ATG10: variants seen among roughly 807,000 people sequenced by gnomAD.
ATG10 encodes the protein autophagy related 10, also known as ubiquitin-like-conjugating enzyme ATG10.
Under a neutral mutation model 32.1 loss-of-function variants are expected in ATG10, and 30 were observed. The ratio of observed to expected loss-of-function variants is 0.94; its 90% confidence interval spans 0.70 to 1.27. The LOEUF (loss-of-function observed/expected upper bound fraction) is 1.27. Ranked by LOEUF, ATG10 falls within the 50% of genes most tolerant of loss-of-function variation. ATG10 has a pLI of 0.00. For missense variants in ATG10, 233 were observed against 262.3 expected, an observed-to-expected ratio of 0.89 and a Z score of 0.77; for synonymous variants, 87 against 91.5, an observed-to-expected ratio of 0.95 and a Z score of 0.28.
At chr5:82,070,509 A>G (rs984077810) in intron 3 of ATG10, among the ~76,000 whole-genome samples, 2 of 152,140 alleles carry the variant, frequency 1.3e-5, no homozygotes, top group African/African-American at 4.8e-5. Context: ...AAACTCTGAA[A>G]TTCTTCTCTC....
At chr5:82,177,358 G>C (rs1744071605) in intron 4 of ATG10, among the ~76,000 whole-genome samples, 1 of 152,088 alleles carries the variant, frequency 6.6e-6, no homozygotes, top group South Asian at 2.1e-4. Context: ...ATACTTGAAA[G>C]TCTTAATACA....
chr5:82,086,305 CAATCATAATTT>C (rs1764689245), intron 3 of ATG10, among the ~76,000 whole-genome samples: 9 of 152,068 alleles, frequency 5.9e-5, no homozygotes, highest in Middle Eastern at 3.4e-3. Context: ...ATTAATAAGC[CAATCATAATTT>C]ATAATGAAAT....
At chr5:82,190,061 C>G (rs1258318350) in intron 5 of ATG10, among the ~76,000 whole-genome samples, 1 of 152,120 alleles carries the variant, frequency 6.6e-6, no homozygotes, top group Non-Finnish European at 1.5e-5. Flanking sequence ...TTGAGTTTGC[C>G]TATTCTTGCA....
chr5:82,101,565 A>C (rs375547765), intron 3 of ATG10, among the ~76,000 whole-genome samples: 1 of 152,210 alleles, frequency 6.6e-6, no homozygotes, highest in African/African-American at 2.4e-5. Context: ...TTGGTATAGC[A>C]TGTCTAAACT....
chr5:82,230,118 C>G (rs1040520770), intron 5 of ATG10, among the ~76,000 whole-genome samples: 1 of 152,134 alleles, frequency 6.6e-6, no homozygotes, highest in African/African-American at 2.4e-5. Context: ...AAGGTTGCAG[C>G]CTACAGCCAA....
intron 2 of ATG10, among the ~76,000 whole-genome samples, chr5:82,048,131 T>TAGTTTGA (rs1312558128): frequency 1.5e-5 from 2 of 136,118 alleles, no homozygotes; most frequent in Non-Finnish European, 3.1e-5. Context: ...CCTTGTAGTA[T>TAGTTTGA]AGTTTGAAGT....
At chr5:82,036,888 T>C (rs1269390870) in intron 2 of ATG10, among the ~76,000 whole-genome samples, 2 of 151,812 alleles carry the variant, frequency 1.3e-5, no homozygotes, top group African/African-American at 4.8e-5. Context: ...ATCCCAGCAC[T>C]ATGGAAGGCA....
chr5:82,000,649 C>T (rs1208245135), intron 2 of ATG10, among the ~76,000 whole-genome samples: 2 of 150,258 alleles, frequency 1.3e-5, no homozygotes, highest in Admixed American at 1.3e-4. Flanking sequence ...GTACAAAAAT[C>T]AGTAGCATTT....
chr5:82,025,616 G>A (rs1212618695), intron 2 of ATG10, among the ~76,000 whole-genome samples: 2 of 152,178 alleles, frequency 1.3e-5, no homozygotes, highest in Non-Finnish European at 2.9e-5. Flanking sequence ...CCACAAATAG[G>A]CTATAGGTGG....
At chr5:82,006,006 AC>A (rs61024879) in intron 2 of ATG10, among the ~76,000 whole-genome samples, 28,729 of 152,150 alleles carry the variant, frequency 0.19, 3,100 homozygotes, top group Middle Eastern at 0.28. Context: ...CAGTTTAGGA[AC>A]CGCTTATTGA....
chr5:82,180,288 T>A (rs1426483978), intron 5 of ATG10, among the ~76,000 whole-genome samples: 1 of 152,188 alleles, frequency 6.6e-6, no homozygotes, highest in Non-Finnish European at 1.5e-5. Context: ...TTTGTTCTTG[T>A]GATCTTTTCT....
At chr5:82,179,508 A>G (rs1184216935) in intron 5 of ATG10, among the ~76,000 whole-genome samples, 1 of 152,134 alleles carries the variant, frequency 6.6e-6, no homozygotes, top group Non-Finnish European at 1.5e-5. Flanking sequence ...AGTGATTTGC[A>G]AAAGTAGAGA....
At chr5:82,169,779 A>C (rs1010785276) in intron 4 of ATG10, among the ~76,000 whole-genome samples, 1 of 152,252 alleles carries the variant, frequency 6.6e-6, no homozygotes, top group Non-Finnish European at 1.5e-5. Context: ...AAGAGCAAAC[A>C]GTGAAAGTTA....
chr5:82,120,966 T>G (rs1204403307), intron 3 of ATG10, among the ~76,000 whole-genome samples: 2 of 152,242 alleles, frequency 1.3e-5, no homozygotes, highest in African/African-American at 2.4e-5. Flanking sequence ...CTTTGAACTT[T>G]GCTTATAAAT....
intron 5 of ATG10, among the ~76,000 whole-genome samples, chr5:82,206,566 C>T (rs1745308669): frequency 1.3e-5 from 2 of 151,662 alleles, no homozygotes; most frequent in African/African-American, 4.9e-5. Context: ...AGGAGAATCA[C>T]TTGAACCTGC....
chr5:82,026,363 G>A (rs1235350837), intron 2 of ATG10, among the ~76,000 whole-genome samples: 1 of 151,966 alleles, frequency 6.6e-6, no homozygotes, highest in African/African-American at 2.4e-5. Context: ...GCCGCATTTT[G>A]TTTATCCATT....
At chr5:82,122,978 T>C (rs945457648) in intron 3 of ATG10, among the ~76,000 whole-genome samples, 4 of 152,192 alleles carry the variant, frequency 2.6e-5, no homozygotes, top group Admixed American at 2.6e-4. Context: ...AAAACAGAAC[T>C]ACATTCAATC....
At chr5:82,079,384 T>C (rs1417756686) in intron 3 of ATG10, among the ~76,000 whole-genome samples, 1 of 151,850 alleles carries the variant, frequency 6.6e-6, no homozygotes, top group East Asian at 1.9e-4. Context: ...TTTTTTTATA[T>C]ACTTTAAGTT....
intron 5 of ATG10, among the ~76,000 whole-genome samples, chr5:82,180,621 C>T (rs549984336): frequency 6.6e-6 from 1 of 152,184 alleles, no homozygotes; most frequent in Admixed American, 6.5e-5. Flanking sequence ...TTGTAGAGTC[C>T]TTATCCACAA....
Sources: gnomAD v4.1 joint callset for allele counts (sites outside exome capture counted in the v4.1 genomes callset) on GRCh38, gnomAD v4.1.1 for gene constraint, MANE v1.5 for transcripts, NCBI Gene and HGNC (gene_info 2026-07-23, HGNC 2026-07-21) for gene names.